Variants in UBE2V2 observed in about 807,000 individuals in gnomAD.
UBE2V2 encodes ubiquitin-conjugating enzyme E2 variant 2.
A neutral mutation model predicts 17.2 loss-of-function variants in UBE2V2; 9 were observed. The ratio of observed to expected loss-of-function variants is 0.52; its 90% CI spans 0.32 to 0.91. UBE2V2 has a LOEUF of 0.91. Ranked by LOEUF, UBE2V2 falls within the 40% of genes least tolerant of loss-of-function variation. UBE2V2 has a pLI of 0.04. For synonymous variants in UBE2V2, 61 were observed against 57.5 expected, an observed-to-expected ratio of 1.06 and a Z score of -0.28; for missense variants, 133 against 182.6, an observed-to-expected ratio of 0.73 and a Z score of 1.56.
At chr8:48,016,226 G>A (rs564562404) in intron 1 of UBE2V2, among the ~76,000 whole-genome samples, 15 of 152,146 alleles carry the variant, frequency 9.9e-5, no homozygotes, top group African/African-American at 3.4e-4. Flanking sequence ...GGATACTTAG[G>A]TTGATTCTAT....
chr8:48,008,805 G>A (rs949412917), intron 1 of UBE2V2, among the ~76,000 whole-genome samples: 4 of 152,052 alleles, frequency 2.6e-5, no homozygotes, highest in African/African-American at 7.2e-5. Context: ...GCCCAAGGTG[G>A]GCGGGTGTCA....
chr8:48,040,934 G>A (rs533442107), intron 1 of UBE2V2, among the ~76,000 whole-genome samples: 2 of 138,970 alleles, frequency 1.4e-5, no homozygotes, highest in Admixed American at 8.3e-5. Context: ...GTGCGATCTC[G>A]GCTCACTGCA....
Position 48,008,486 on chromosome 8 carries a change from G to T in UBE2V2, c.16+16G>T. 1 of 1,566,964 alleles carries T rather than the reference G, an allele frequency of 6.4e-7. No individual in the cohort carries two copies. The highest frequency in any genetic ancestry group is 8.6e-7 in the Non-Finnish European group (1 of 1,158,824). ...GTCTCCACAGGTCGGTTCCCGGGCC[G>T]GGCTGCGTGATTTTCCGCTCCGACC... On this transcript the variant is annotated intron_variant, in intron 1 of 3. Transcript: ENST00000523111.
At chr8:48,009,564 C>G (rs1013640717) in intron 1 of UBE2V2, among the ~76,000 whole-genome samples, 2 of 152,090 alleles carry the variant, frequency 1.3e-5, no homozygotes, top group African/African-American at 4.8e-5. Context: ...CCGCGCTCGG[C>G]CTGATCTGCC....
intron 1 of UBE2V2, among the ~76,000 whole-genome samples, chr8:48,035,631 TTGTGTGTG>T (rs201716659): frequency 3.7e-5 from 4 of 109,540 alleles, no homozygotes; most frequent in Admixed American, 1.3e-4. Context: ...TTTTTTTTTT[TTGTGTGTG>T]TGTGTGTGTG....
intron 1 of UBE2V2, among the ~76,000 whole-genome samples, chr8:48,038,701 G>A (rs554189244): frequency 2.2e-3 from 329 of 152,010 alleles, no homozygotes; most frequent in African/African-American, 7.4e-3. Flanking sequence ...GGCTGGTCTC[G>A]AACTCCTGAC....
At position 48,046,382 on chromosome 8, in the gene UBE2V2, T is replaced by A. The variant is rs1003219733; in HGVS notation, c.165+3201T>A. Among the ~76,000 whole-genome samples the A allele has an allele frequency of 6.4e-4, 98 of 152,146 alleles. 1 individual carries two copies. The highest frequency in any genetic ancestry group is 2.3e-3 in the African/African-American group (94 of 41,508). On this transcript the variant is annotated intron_variant, in intron 2 of 3. Transcript: ENST00000523111. Reference sequence around the variant, plus strand: ...ATCCACCCGCCTCGGCCTCCCAAAGTGCTGGGATTACAGGCGTGAGCCACC... The same window carrying A: ...ATCCACCCGCCTCGGCCTCCCAAAGAGCTGGGATTACAGGCGTGAGCCACC...
intron 1 of UBE2V2, among the ~76,000 whole-genome samples, chr8:48,011,224 A>G (rs921517736): frequency 6.6e-6 from 1 of 152,032 alleles, no homozygotes; most frequent in Non-Finnish European, 1.5e-5. Flanking sequence ...CTGGAGTGCA[A>G]TGGTGCGATC....
chr8:48,000,126 T>C, the UBE2V2 span, among the ~76,000 whole-genome samples: 29 of 152,330 alleles, frequency 1.9e-4, no homozygotes, highest in Admixed American at 1.3e-4. Flanking sequence ...TCTTCTTTCT[T>C]TGGAGGCAGA....
chr8:48,019,359 T>C (rs571621417), intron 1 of UBE2V2, among the ~76,000 whole-genome samples: 95 of 151,240 alleles, frequency 6.3e-4, no homozygotes, highest in African/African-American at 2.1e-3. Context: ...ACAAGACTCC[T>C]GCTCAAAACA....
chr8:48,050,367 TGGGATTACA>T (rs752732371), intron 3 of UBE2V2: 90 of 153,106 alleles, frequency 5.9e-4, no homozygotes, highest in Non-Finnish European at 1.2e-3. Context: ...CCCGAGTAGC[TGGGATTACA>T]GGCACCTGCC....
intron 3 of UBE2V2, among the ~76,000 whole-genome samples, chr8:48,051,489 C>T (rs1011267529): frequency 1.3e-5 from 2 of 152,158 alleles, no homozygotes; most frequent in Admixed American, 6.5e-5. Context: ...TTCTCTCCTT[C>T]TCTCTTTCCT....
At chr8:48,029,770 A>AT (rs754965228) in intron 1 of UBE2V2, among the ~76,000 whole-genome samples, 3 of 152,118 alleles carry the variant, frequency 2.0e-5, no homozygotes, top group Non-Finnish European at 4.4e-5. Flanking sequence ...GAAGTCTTTA[A>AT]TTTTCTCAAG....
chr8:48,032,974 G>A (rs928814714), intron 1 of UBE2V2, among the ~76,000 whole-genome samples: 2 of 152,196 alleles, frequency 1.3e-5, no homozygotes, highest in Non-Finnish European at 2.9e-5. Flanking sequence ...CTGGATGAGT[G>A]TTAAAAGCGG....
intron 1 of UBE2V2, 160 bp downstream of exon 1, chr8:48,008,630 G>C (rs2091203781): frequency 1.9e-6 from 2 of 1,046,914 alleles, no homozygotes; most frequent in South Asian, 3.6e-5. Flanking sequence ...GGGTGGGACC[G>C]GCGCCGAGGC....
chr8:48,053,604 T>G, intron 3 of UBE2V2, among the ~76,000 whole-genome samples: 1 of 151,810 alleles, frequency 6.6e-6, no homozygotes, highest in South Asian at 2.1e-4. Context: ...TTTTGTATTT[T>G]TAATAGAGAC....
chr8:48,022,808 ATT>A (rs749451088), intron 1 of UBE2V2, among the ~76,000 whole-genome samples: 19 of 136,978 alleles, frequency 1.4e-4, no homozygotes, highest in Non-Finnish European at 1.9e-4. Flanking sequence ...TCCTGGTCGC[ATT>A]TTTTTTTTTT....
chr8:48,040,125 A>G (rs142704764), intron 1 of UBE2V2, among the ~76,000 whole-genome samples: 16 of 151,618 alleles, frequency 1.1e-4, no homozygotes, highest in African/African-American at 3.9e-4. Context: ...ATATACCTTC[A>G]TGCAGATCCA....
chr8:48,010,010 T>C (rs1284460413), intron 1 of UBE2V2, among the ~76,000 whole-genome samples: 2 of 152,220 alleles, frequency 1.3e-5, no homozygotes, highest in African/African-American at 4.8e-5. Flanking sequence ...AATAAAATAA[T>C]GCATTTTAAT....
Sources: allele counts gnomAD v4.1 joint callset (sites outside exome capture counted in the v4.1 genomes callset), GRCh38; gene constraint gnomAD v4.1.1; transcripts MANE v1.5; gene names NCBI Gene and HGNC (gene_info 2026-07-23, HGNC 2026-07-21).